The following ST6GAL1 variants were observed in gnomAD, a reference collection of about 807,000 sequenced individuals.
ST6GAL1 encodes beta-galactoside alpha-2,6-sialyltransferase 1.
A neutral mutation model predicts 38.0 loss-of-function variants in ST6GAL1; 20 were observed. That is an observed-to-expected ratio of 0.53 (90% confidence interval 0.37 to 0.77). ST6GAL1 has a LOEUF of 0.77. ST6GAL1 is among the 30% of genes least tolerant of loss of function. ST6GAL1 has a pLI of 0.00. For synonymous variants in ST6GAL1, 196 were observed against 188.2 expected, an observed-to-expected ratio of 1.04 and a Z score of -0.34; for missense variants, 432 against 496.4, an observed-to-expected ratio of 0.87 and a Z score of 1.23.
At chr3:186,992,029 G>A (rs555387843) in intron 2 of ST6GAL1, among the ~76,000 whole-genome samples, 44 of 152,248 alleles carry the variant, frequency 2.9e-4, no homozygotes, top group African/African-American at 9.6e-4. Context: ...TCTTCAAACT[G>A]AGCCCTTCAG....
intron 2 of ST6GAL1, among the ~76,000 whole-genome samples, chr3:186,988,430 G>A (rs1018966422): frequency 2.0e-5 from 3 of 151,964 alleles, no homozygotes; most frequent in Admixed American, 6.6e-5. Flanking sequence ...TGCCAGAATC[G>A]AGATTCCCTA....
chr3:187,008,159 G>A (rs566065861), intron 2 of ST6GAL1, among the ~76,000 whole-genome samples: 5 of 152,140 alleles, frequency 3.3e-5, no homozygotes, highest in South Asian at 4.1e-4. Flanking sequence ...AAAGAAAAAC[G>A]TATCTTCACA....
At chr3:187,067,567 T>TA (rs1370851938) in intron 5 of ST6GAL1, among the ~76,000 whole-genome samples, 2 of 152,130 alleles carry the variant, frequency 1.3e-5, no homozygotes, top group African/African-American at 2.4e-5. Context: ...CTTCTCTGGA[T>TA]AAAACTATCA....
At chr3:186,964,576 C>G (rs1715039420) in intron 2 of ST6GAL1, among the ~76,000 whole-genome samples, 1 of 152,074 alleles carries the variant, frequency 6.6e-6, no homozygotes, top group South Asian at 2.1e-4. Flanking sequence ...TTGATTTTTC[C>G]TGTGTGGAGG....
intron 5 of ST6GAL1, among the ~76,000 whole-genome samples, chr3:187,067,634 T>C (rs1249709942): frequency 6.6e-6 from 1 of 152,118 alleles, no homozygotes; most frequent in African/African-American, 2.4e-5. Flanking sequence ...CTCAAGTAGC[T>C]CAAGTGAATG....
intron 2 of ST6GAL1, among the ~76,000 whole-genome samples, chr3:186,983,972 C>T (rs1271385452): frequency 6.6e-6 from 1 of 152,184 alleles, no homozygotes; most frequent in East Asian, 1.9e-4. Flanking sequence ...AGGCTTCCTA[C>T]TTTACGCTCT....
At chr3:186,933,454 A>ATG (rs1713832265) in intron 1 of ST6GAL1, among the ~76,000 whole-genome samples, 1 of 152,056 alleles carries the variant, frequency 6.6e-6, no homozygotes, top group Non-Finnish European at 1.5e-5. Flanking sequence ...GAACCACCGA[A>ATG]CGCGGGTACA....
At chr3:186,947,272 T>C (rs888046075) in intron 1 of ST6GAL1, among the ~76,000 whole-genome samples, 14 of 152,130 alleles carry the variant, frequency 9.2e-5, no homozygotes, top group African/African-American at 3.4e-4. Flanking sequence ...GGGTGAGAGA[T>C]CTGTGCTTGC....
At chr3:186,996,522 A>G (rs12152452) in intron 2 of ST6GAL1, 1 of 152,188 alleles carries the variant, frequency 6.6e-6, no homozygotes. Context: ...CTGTGCAAAT[A>G]GCGGAGGGTT....
intron 5 of ST6GAL1, among the ~76,000 whole-genome samples, chr3:187,071,683 C>T (rs1354612202): frequency 6.6e-6 from 1 of 150,430 alleles, no homozygotes; most frequent in African/African-American, 2.5e-5. Context: ...TGGCGTGAAC[C>T]CGGGAGGCGG....
At chr3:186,953,647 T>A (rs547495153) in intron 1 of ST6GAL1, among the ~76,000 whole-genome samples, 1 of 152,268 alleles carries the variant, frequency 6.6e-6, no homozygotes, top group South Asian at 2.1e-4. Context: ...GGATGTTATC[T>A]CTTTTGCTCA....
Position 187,076,988 on chromosome 3 carries a change from T to TTTTTA in ST6GAL1, c.*1185_*1186insTTTTA, listed in dbSNP as rs35363166. On this transcript the variant is annotated 3_prime_UTR_variant, in exon 8 of 8. Transcript: ENST00000169298. Reference sequence around the variant, plus strand: ...CTAACCACCATCTGTTTTTTTTTTTTAAAGCATTTTTTGCTTTAAAAGCAT... The same window carrying TTTTTA: ...CTAACCACCATCTGTTTTTTTTTTTTTTTTAAAAGCATTTTTTGCTTTAAAAGCAT... 1.8e-5 allele frequency: 7 copies of TTTTTA among 398,360 alleles called. No homozygotes were observed. Among genetic ancestry groups the TTTTTA allele is most frequent in the African/African-American group, 1.4e-4 (7 of 48,406 alleles). The allele number at this position is 398,360 out of a possible 1,614,324, so 24.7% of individuals were successfully genotyped here. A position where few individuals can be genotyped will look rare whatever the true frequency, so the allele number is the denominator to read the frequency against.
At chr3:187,055,214 G>C (rs1306467901) in intron 5 of ST6GAL1, among the ~76,000 whole-genome samples, 1 of 142,454 alleles carries the variant, frequency 7.0e-6, no homozygotes, top group East Asian at 2.1e-4. Flanking sequence ...TCTTGCTAGC[G>C]GTTTATCAAT....
chr3:186,943,236 A>C (rs554652314), intron 1 of ST6GAL1, among the ~76,000 whole-genome samples: 1 of 152,294 alleles, frequency 6.6e-6, no homozygotes, highest in East Asian at 1.9e-4. Flanking sequence ...CTGGGAAATG[A>C]GCATTTTTGA....
At chr3:186,965,659 G>A (rs6762406) in intron 2 of ST6GAL1, among the ~76,000 whole-genome samples, 3,216 of 152,318 alleles carry the variant, frequency 0.021, 121 homozygotes, top group African/African-American at 0.073. Flanking sequence ...TGGGAGGAAG[G>A]GAGCTCAGGT....
intron 4 of ST6GAL1, among the ~76,000 whole-genome samples, chr3:187,050,561 G>GAGAGAGACA (rs1560176740): frequency 1.6e-4 from 11 of 69,980 alleles, no homozygotes; most frequent in Non-Finnish European, 3.5e-4. Flanking sequence ...AGAGAGAGAG[G>GAGAGAGACA]GAGGGAGGGA....
intron 2 of ST6GAL1, among the ~76,000 whole-genome samples, chr3:187,026,401 C>T (rs932095958): frequency 7.9e-5 from 12 of 152,146 alleles, no homozygotes; most frequent in African/African-American, 2.7e-4. Flanking sequence ...AAATGAGCTT[C>T]ACCAAATTAC....
chr3:186,940,679 C>T (rs1174698208), intron 1 of ST6GAL1, among the ~76,000 whole-genome samples: 1 of 152,076 alleles, frequency 6.6e-6, no homozygotes, highest in African/African-American at 2.4e-5. Flanking sequence ...CCAGTGTGGG[C>T]CCAGGGAAGC....
At chr3:186,995,586 G>A (rs145508454) in intron 2 of ST6GAL1, among the ~76,000 whole-genome samples, 13,874 of 151,648 alleles carry the variant, frequency 0.091, 872 homozygotes, top group African/African-American at 0.17. Context: ...GCTCACTCCT[G>A]TAATCCTAGC....
Sources: gnomAD v4.1 joint callset for allele counts (sites outside exome capture counted in the v4.1 genomes callset) on GRCh38, gnomAD v4.1.1 for gene constraint, MANE v1.5 for transcripts, NCBI Gene and HGNC (gene_info 2026-07-23, HGNC 2026-07-21) for gene names.